The following TMEM177 variants were observed in gnomAD, a reference collection of about 807,000 sequenced individuals.
The protein encoded by TMEM177 is transmembrane protein 177.
In TMEM177, 4 loss-of-function variants were observed where a neutral mutation model predicts 14.2. The ratio of observed to expected loss-of-function variants is 0.28; its 90% CI spans 0.14 to 0.64. The LOEUF (loss-of-function observed/expected upper bound fraction) is 0.64. TMEM177 is among the 30% of genes least tolerant of loss of function. The pLI, the probability that TMEM177 is intolerant of heterozygous loss-of-function variation, is 0.82. For synonymous variants in TMEM177, 179 were observed against 174.5 expected (o/e 1.03, Z -0.20); for missense variants, 344 against 405.2 (o/e 0.85, Z 1.30).
chr2:119,707,205 A>G, the TMEM177 span, among the ~76,000 whole-genome samples: 184 of 152,248 alleles, frequency 1.2e-3, no homozygotes, highest in African/African-American at 4.3e-3. Flanking sequence ...TTGCCTTTTT[A>G]TTCTGGAAGG....
At chr2:119,682,535 C>T (rs1342087586), downstream of TMEM177, among the ~76,000 whole-genome samples, 1 of 152,002 alleles carries the variant, frequency 6.6e-6, no homozygotes, top group Admixed American at 6.6e-5. Context: ...CAGTCAAGGT[C>T]CCGTGGATGC....
the TMEM177 span, among the ~76,000 whole-genome samples, chr2:119,717,317 A>G: frequency 1.3e-5 from 2 of 151,626 alleles, no homozygotes; most frequent in Non-Finnish European, 2.9e-5. Flanking sequence ...GCAACAGAGT[A>G]TGACTCCATC....
downstream of TMEM177, among the ~76,000 whole-genome samples, chr2:119,689,506 A>G (rs1443856713): frequency 6.6e-6 from 1 of 152,178 alleles, no homozygotes; most frequent in Non-Finnish European, 1.5e-5. Flanking sequence ...CTTATTTAAC[A>G]CTTATTTTGT....
downstream of TMEM177, among the ~76,000 whole-genome samples, chr2:119,687,529 T>C (rs1689033999): frequency 6.6e-6 from 1 of 152,010 alleles, no homozygotes; most frequent in African/African-American, 2.4e-5. Flanking sequence ...AAAATGGAAG[T>C]AGAAAATCAT....
At chr2:119,713,572 G>T in the TMEM177 span, among the ~76,000 whole-genome samples, 1 of 152,072 alleles carries the variant, frequency 6.6e-6, no homozygotes, top group Non-Finnish European at 1.5e-5. Context: ...TGGCATGATG[G>T]CTCAAGCTTA....
the TMEM177 span, among the ~76,000 whole-genome samples, chr2:119,707,915 TC>T: frequency 6.6e-6 from 1 of 152,198 alleles, no homozygotes; most frequent in East Asian, 1.9e-4. Flanking sequence ...GTTTTCCCTC[TC>T]TGTCTACCTC....
chr2:119,705,520 T>A, the TMEM177 span, among the ~76,000 whole-genome samples: 5 of 152,184 alleles, frequency 3.3e-5, no homozygotes, highest in African/African-American at 1.2e-4. Flanking sequence ...CTAGAGGTTG[T>A]CCATAGTTCC....
the TMEM177 span, among the ~76,000 whole-genome samples, chr2:119,700,761 T>C: frequency 6.6e-6 from 1 of 152,194 alleles, no homozygotes; most frequent in Non-Finnish European, 1.5e-5. Flanking sequence ...CAAGTGTCAC[T>C]TCACTAAAGG....
the TMEM177 span, among the ~76,000 whole-genome samples, chr2:119,703,007 T>C: frequency 3.3e-5 from 5 of 152,202 alleles, no homozygotes; most frequent in Admixed American, 1.3e-4. Context: ...GCAGATGCCC[T>C]ATCTGGCCAG....
At chr2:119,687,809 C>T (rs890248537), downstream of TMEM177, among the ~76,000 whole-genome samples, 3 of 152,150 alleles carry the variant, frequency 2.0e-5, no homozygotes, top group African/African-American at 2.4e-5. Flanking sequence ...ACAATAAATC[C>T]ATGTTGTAGT....
chr2:119,710,831 C>T, the TMEM177 span, among the ~76,000 whole-genome samples: 7 of 151,780 alleles, frequency 4.6e-5, no homozygotes, highest in Non-Finnish European at 8.8e-5. Context: ...AGGATGGTCT[C>T]GATCTCCTGA....
the TMEM177 span, among the ~76,000 whole-genome samples, chr2:119,721,462 A>G: frequency 6.6e-6 from 1 of 152,334 alleles, no homozygotes; most frequent in South Asian, 2.1e-4. Context: ...AACTATAATC[A>G]TAATGTAGGC....
intron 1 of TMEM177, 23 bp from the exon 2 acceptor site, chr2:119,680,809 G>T: frequency 1.3e-6 from 2 of 1,576,500 alleles, no homozygotes; most frequent in South Asian, 2.4e-5. Context: ...GAAACTGGCT[G>T]ACTTCTCTTT....
At chr2:119,708,364 T>C in the TMEM177 span, among the ~76,000 whole-genome samples, 2 of 152,214 alleles carry the variant, frequency 1.3e-5, no homozygotes, top group Non-Finnish European at 2.9e-5. Context: ...TCAGCATGTA[T>C]CTCTGAAAAA....
downstream of TMEM177, among the ~76,000 whole-genome samples, chr2:119,687,384 CTG>C (rs1689032378): frequency 6.6e-6 from 1 of 152,316 alleles, no homozygotes; most frequent in South Asian, 2.1e-4. Context: ...ATACCCAAAA[CTG>C]TGTGATTTAT....
the TMEM177 span, among the ~76,000 whole-genome samples, chr2:119,713,047 G>A: frequency 2.0e-5 from 3 of 151,170 alleles, no homozygotes; most frequent in Non-Finnish European, 2.9e-5. Context: ...AGAAATATTC[G>A]ACACCAAACT....
chr2:119,693,734 C>T, the TMEM177 span, among the ~76,000 whole-genome samples: 1 of 152,120 alleles, frequency 6.6e-6, no homozygotes, highest in Non-Finnish European at 1.5e-5. Flanking sequence ...AAGCAAAGGG[C>T]TCCTGTGGGT....
the TMEM177 span, among the ~76,000 whole-genome samples, chr2:119,698,203 A>G: frequency 1.4e-4 from 21 of 152,162 alleles, no homozygotes; most frequent in African/African-American, 5.1e-4. Flanking sequence ...AGCAACTTTT[A>G]TTCTTTTCTC....
At chr2:119,702,096 A>C in the TMEM177 span, among the ~76,000 whole-genome samples, 1 of 152,224 alleles carries the variant, frequency 6.6e-6, no homozygotes, top group African/African-American at 2.4e-5. Context: ...TCTTGTAGCT[A>C]ATTTGTTAGT....
Sources: gnomAD v4.1 joint callset for allele counts (sites outside exome capture counted in the v4.1 genomes callset) on GRCh38, gnomAD v4.1.1 for gene constraint, MANE v1.5 for transcripts, NCBI Gene and HGNC (gene_info 2026-07-23, HGNC 2026-07-21) for gene names.